PTGES: variants seen among roughly 807,000 people sequenced by gnomAD.
PTGES encodes MGST1-like 1.
In PTGES, 3 loss-of-function variants were observed where a neutral mutation model predicts 11.8. The observed-to-expected ratio is 0.25, with a 90% CI of 0.12 to 0.66. PTGES has a LOEUF of 0.66. Ranked by LOEUF, PTGES falls within the 30% of genes least tolerant of loss-of-function variation. PTGES has a pLI of 0.82. For synonymous variants in PTGES, 94 were observed against 90.4 expected (o/e 1.04, Z -0.22); for missense variants, 180 against 213.0 (o/e 0.85, Z 0.96).
In PTGES at chr9:129,752,772, C is replaced by T; in HGVS notation, c.126+115G>A. 5.2e-6 allele frequency: 8 copies of T among 1,525,528 alleles called. No homozygotes were observed. In the South Asian group the frequency reaches 8.1e-5, roughly 16 times the overall value. The allele number at this position is 1,525,528 out of a possible 1,614,324, so 94.5% of individuals were successfully genotyped here. On this transcript the variant is annotated intron_variant, in intron 1 of 2. Coordinates refer to ENST00000340607, the MANE Select transcript of PTGES (RefSeq NM_004878.5). The stretch of plus-strand genomic sequence containing the variant: ...CCCCGGCGGGGCTGGAAGAGGTGCT[C>T]ACCTCCCAGCCCTGCACACACCTTG...
In PTGES at chr9:129,739,839, C is replaced by T; in HGVS notation, c.231G>A (p.Glu77=). Residue 77 remains glutamate (E), a synonymous_variant, in exon 3 of 3, where the codon GAG becomes GAA. Transcript: ENST00000340607. The surrounding 1 kb of genome is among the most constrained non-coding windows in gnomAD (Gnocchi z 5.7). ...CCAGGAAAAGGAAGGGGTAGATGGT[C>T]TCCATGTCGTTCCGGTGGGCCCTGG... The part of the protein sequence containing the change: ...RCLRAHRNDM[E]TIYPFLFLGF... The T allele has an allele frequency of 6.4e-7, 1 of 1,569,904 alleles. No homozygotes were observed. Among genetic ancestry groups the T allele is most frequent in the African/African-American group, 1.3e-5 (1 of 74,074 alleles).
At position 129,745,236 on chromosome 9, in the gene PTGES, A is replaced by G. The variant is rs952600073; in HGVS notation, c.209+3419T>C. On this transcript the variant is annotated intron_variant, in intron 2 of 2. Coordinates refer to ENST00000340607, the MANE Select transcript of PTGES (RefSeq NM_004878.5). The surrounding 1 kb of genome is among the most constrained non-coding windows in gnomAD (Gnocchi z 4.2). ...CACCCAACCTCAGATTCTGGCCCAG[A>G]CGCACATTGCCGGGAACTCCGGATA... 2.6e-5 allele frequency among the ~76,000 whole-genome samples: 4 copies of G among 152,152 alleles called. No individual in the cohort carries two copies. The highest frequency in any genetic ancestry group is 5.9e-5 in the Non-Finnish European group (4 of 68,032).
chr9:129,749,117 T>C (rs886726268), intron 1 of PTGES, among the ~76,000 whole-genome samples: 3 of 152,188 alleles, frequency 2.0e-5, no homozygotes, highest in African/African-American at 7.2e-5. Flanking sequence ...TAGGGCTGGA[T>C]GAGGTGGCTC....
chr9:129,747,963 T>C (rs986361836), intron 2 of PTGES, among the ~76,000 whole-genome samples: 1 of 124,912 alleles, frequency 8.0e-6, no homozygotes, highest in Non-Finnish European at 1.6e-5. Context: ...TGAGCCAAGG[T>C]GGCACCACTG....
At chr9:129,742,856 A>G (rs943240696) in intron 2 of PTGES, among the ~76,000 whole-genome samples, 1 of 151,790 alleles carries the variant, frequency 6.6e-6, no homozygotes, top group Non-Finnish European at 1.5e-5. Flanking sequence ...TGGGCAACAG[A>G]GTGAGACTCC....
chr9:129,752,020 T>G (rs1833116443), intron 1 of PTGES, among the ~76,000 whole-genome samples: 1 of 152,226 alleles, frequency 6.6e-6, no homozygotes, highest in African/African-American at 2.4e-5. Context: ...GCAGCTGCCC[T>G]GCCTTTAATC....
chr9:129,739,598 C>G lies in PTGES; in HGVS notation c.*13G>C. 6.5e-7 allele frequency: 1 copy of G among 1,548,124 alleles called. No individual in the cohort carries two copies. Among genetic ancestry groups the G allele is most frequent in the Non-Finnish European group, 8.7e-7 (1 of 1,145,768 alleles). ...GCCCATGGTCTGGTGGCCAAGGAGG[C>G]ATCAGCTGCTGGTCACAGGTGGCGG... On this transcript the variant is annotated 3_prime_UTR_variant, in exon 3 of 3. Transcript: ENST00000340607. The surrounding 1 kb of genome is among the most constrained non-coding windows in gnomAD (Gnocchi z 5.7).
In PTGES at chr9:129,739,891, G is replaced by A. The variant is rs1832979021; in HGVS notation, c.210-31C>T. 1 of 1,551,752 alleles carries A rather than the reference G, an allele frequency of 6.4e-7. No individual in the cohort carries two copies. The highest frequency in any genetic ancestry group is 8.7e-7 in the Non-Finnish European group (1 of 1,146,400). On this transcript the variant is annotated intron_variant, in intron 2 of 2. Coordinates refer to ENST00000340607, the MANE Select transcript of PTGES (RefSeq NM_004878.5). This position sits in a 1 kb window ranked among gnomAD's most constrained non-coding sequence, Gnocchi z 5.7. ...GAGACAAGAGGGGTGCGGTCAGCCA[G>A]GTATTAGCTTTGGGGCCATAGGCCC...
rs201243894 is a variant in PTGES, at chr9:129,739,727, C to T, written c.343G>A (p.Val115Met). 6.3e-6 allele frequency: 10 copies of T among 1,579,058 alleles called. No individual in the cohort carries two copies. Among genetic ancestry groups the T allele is most frequent in the African/African-American group, 5.4e-5 (4 of 74,184 alleles). Reference sequence around the variant, plus strand: ...GCCCGCAGCTTCCCCAGGTAGGCCACGGTGTGTGCCACACGGCCCACGAGG... The same window carrying T: ...GCCCGCAGCTTCCCCAGGTAGGCCATGGTGTGTGCCACACGGCCCACGAGG... ...VFLVGRVAHT[V>M]AYLGKLRAPI... The change falls in exon 3 of 3, where the codon GTG (valine) becomes ATG (methionine). Residue 115 changes from valine (V) to methionine (M), a missense_variant. Val to Met is a conservative substitution (Grantham distance 21). Transcript: ENST00000340607. The surrounding 1 kb of genome is among the most constrained non-coding windows in gnomAD (Gnocchi z 5.7).
In PTGES at chr9:129,740,834, T is replaced by C. The variant is rs149722096; in HGVS notation, c.210-974A>G. Among the ~76,000 whole-genome samples, 775 of 152,286 alleles carry C rather than the reference T, an allele frequency of 5.1e-3. 6 individuals carry two copies. The highest frequency in any genetic ancestry group is 7.3e-3 in the Non-Finnish European group (496 of 68,022). On this transcript the variant is annotated intron_variant, in intron 2 of 2. Transcript: ENST00000340607. ...GAAGCTCAAATAAACAGGAATTCAG[T>C]GCCCAGGGCATGACCTCCCCCAAGG...
Position 129,745,258 on chromosome 9 carries a change from G to A in PTGES, c.209+3397C>T, listed in dbSNP as rs539376909. Among the ~76,000 whole-genome samples the A allele has an allele frequency of 2.6e-5, 4 of 152,318 alleles. No homozygotes were observed. The South Asian group carries it at 8.3e-4, about 32-fold the overall frequency. The stretch of plus-strand genomic sequence containing the variant: ...CAGACGCACATTGCCGGGAACTCCG[G>A]ATAGGTATCCTGAAAAGGTGGCTAG... On this transcript the variant is annotated intron_variant, in intron 2 of 2. Transcript: ENST00000340607. The surrounding 1 kb of genome is among the most constrained non-coding windows in gnomAD (Gnocchi z 4.2).
intron 2 of PTGES, among the ~76,000 whole-genome samples, chr9:129,742,039 C>T (rs1227822116): frequency 1.3e-5 from 2 of 151,674 alleles, no homozygotes; most frequent in East Asian, 1.9e-4. Context: ...CATCCTTGGC[C>T]GGGTGCAGTG....
intron 2 of PTGES, among the ~76,000 whole-genome samples, chr9:129,746,999 G>T (rs989740036): frequency 6.6e-6 from 1 of 152,112 alleles, no homozygotes; most frequent in Non-Finnish European, 1.5e-5. Flanking sequence ...TGCAACCTCC[G>T]CCTCCTGGGT....
At chr9:129,743,792 C>T (rs1217480867) in intron 2 of PTGES, among the ~76,000 whole-genome samples, 2 of 152,236 alleles carry the variant, frequency 1.3e-5, no homozygotes, top group Non-Finnish European at 2.9e-5. Flanking sequence ...GGCCCCTCCT[C>T]AGAGTGCCAA....
At chr9:129,749,030 G>T (rs1286862261) in intron 1 of PTGES, among the ~76,000 whole-genome samples, 1 of 152,232 alleles carries the variant, frequency 6.6e-6, no homozygotes, top group Non-Finnish European at 1.5e-5. Flanking sequence ...CTGGCCTTGA[G>T]AATGTTTACG....
rs367837009 is a variant in PTGES, at chr9:129,739,433, T to TACACAC, written c.*172_*177dup. 479 of 828,290 alleles carry TACACAC rather than the reference T, an allele frequency of 5.8e-4. 1 individual carries two copies. In the Middle Eastern group the frequency reaches 8.1e-3, roughly 14 times the overall value. The allele number at this position is 828,290 out of a possible 1,614,324, so 51.3% of individuals were successfully genotyped here. On this transcript the variant is annotated 3_prime_UTR_variant, in exon 3 of 3. Transcript: ENST00000340607. This position sits in a 1 kb window ranked among gnomAD's most constrained non-coding sequence, Gnocchi z 5.7. Reference sequence around the variant, plus strand: ...GGGCTAAGAAACATACACACACACATACACACACACGGGCACACACACAGG... The same window carrying TACACAC: ...GGGCTAAGAAACATACACACACACATACACACACACACACACGGGCACACACACAGG...
chr9:129,747,067 C>T (rs1210572537), intron 2 of PTGES, among the ~76,000 whole-genome samples: 2 of 152,196 alleles, frequency 1.3e-5, no homozygotes, highest in Admixed American at 6.5e-5. Flanking sequence ...CCCGTGCCAC[C>T]ATGCCCGGCT....
In PTGES at chr9:129,745,302, A is replaced by G. The variant is rs1833039485; in HGVS notation, c.209+3353T>C. Among the ~76,000 whole-genome samples the G allele has an allele frequency of 6.6e-6, 1 of 152,238 alleles. No homozygotes were observed. The highest frequency in any genetic ancestry group is 1.5e-5 in the Non-Finnish European group (1 of 68,040). ...TGGCTAGTCCCTGGCTTCTCCCAGA[A>G]CTAGGCTCACATTTGGACTGCAGCA... On this transcript the variant is annotated intron_variant, in intron 2 of 2. Transcript: ENST00000340607. The surrounding 1 kb of genome is among the most constrained non-coding windows in gnomAD (Gnocchi z 4.2).
intron 2 of PTGES, among the ~76,000 whole-genome samples, chr9:129,747,721 G>T (rs548906498): frequency 2.0e-5 from 3 of 152,134 alleles, no homozygotes; most frequent in South Asian, 2.1e-4. Context: ...AATGAAAAAA[G>T]TGTTGAGGCC....
Sources: allele counts gnomAD v4.1 joint callset (sites outside exome capture counted in the v4.1 genomes callset), GRCh38; gene constraint gnomAD v4.1.1; non-coding constraint Gnocchi (gnomAD v3.1); transcripts MANE v1.5; gene names NCBI Gene and HGNC (gene_info 2026-07-23, HGNC 2026-07-21).